Variants in NKAIN2 observed in about 807,000 individuals in gnomAD.
NKAIN2 encodes sodium/potassium-transporting ATPase subunit beta-1-interacting protein 2.
Under a neutral mutation model 32.6 loss-of-function variants are expected in NKAIN2, and 14 were observed. That is an observed-to-expected ratio of 0.43 (90% CI 0.28 to 0.67). The LOEUF (loss-of-function observed/expected upper bound fraction) is 0.67. NKAIN2 is among the 30% of genes least tolerant of loss of function. The pLI is 0.17. For missense variants in NKAIN2, 198 were observed against 258.3 expected, an observed-to-expected ratio of 0.77 and a Z score of 1.60; for synonymous variants, 80 against 87.2, an observed-to-expected ratio of 0.92 and a Z score of 0.46.
At chr6:124,192,741 GTTTTTTTTTTTTTTT>G (rs1205303294) in intron 1 of NKAIN2, among the ~76,000 whole-genome samples, 3 of 77,186 alleles carry the variant, frequency 3.9e-5, no homozygotes, top group Non-Finnish European at 7.5e-5. Context: ...AGTTCCATCC[GTTTTTTTTTTTTTTT>G]TTTTTTTTTT....
chr6:124,041,278 C>G (rs2114810067), intron 1 of NKAIN2, among the ~76,000 whole-genome samples: 2 of 152,140 alleles, frequency 1.3e-5, no homozygotes, highest in South Asian at 4.2e-4. Flanking sequence ...CGCACATCAT[C>G]TCATACAATT....
chr6:124,353,611 C>T (rs985682799), intron 2 of NKAIN2, among the ~76,000 whole-genome samples: 12 of 151,976 alleles, frequency 7.9e-5, no homozygotes, highest in African/African-American at 2.9e-4. Context: ...AAAAATTAGC[C>T]GGGCATAGTG....
intron 3 of NKAIN2, among the ~76,000 whole-genome samples, chr6:124,439,024 G>A (rs888012997): frequency 9.2e-5 from 14 of 152,038 alleles, no homozygotes; most frequent in Non-Finnish European, 1.9e-4. Flanking sequence ...CTATTCAAGT[G>A]GTTCCCAAAA....
intron 3 of NKAIN2, among the ~76,000 whole-genome samples, chr6:124,590,208 T>C (rs1423961831): frequency 6.6e-6 from 1 of 152,174 alleles, no homozygotes; most frequent in Non-Finnish European, 1.5e-5. Context: ...GGCCGTACTT[T>C]AGTGCTGAGG....
At chr6:124,657,718 A>C (rs1457415262) in intron 3 of NKAIN2, among the ~76,000 whole-genome samples, 3 of 151,838 alleles carry the variant, frequency 2.0e-5, no homozygotes, top group Non-Finnish European at 4.4e-5. Context: ...ATTAGCCACA[A>C]TATTATGTTA....
chr6:124,544,874 T>C (rs570424332), intron 3 of NKAIN2, among the ~76,000 whole-genome samples: 29 of 152,064 alleles, frequency 1.9e-4, no homozygotes, highest in Non-Finnish European at 3.4e-4. Flanking sequence ...CCCCGGAAAA[T>C]TTTTTTGGGG....
intron 1 of NKAIN2, among the ~76,000 whole-genome samples, chr6:123,996,070 T>C (rs1483673916): frequency 6.6e-6 from 1 of 152,116 alleles, no homozygotes; most frequent in African/African-American, 2.4e-5. Context: ...TAAAAGCTTG[T>C]ATCTTGACAA....
intron 3 of NKAIN2, among the ~76,000 whole-genome samples, chr6:124,479,277 T>C (rs1343080148): frequency 2.0e-5 from 3 of 152,160 alleles, no homozygotes; most frequent in African/African-American, 7.2e-5. Flanking sequence ...TAATCATGTA[T>C]CGATATTGGT....
chr6:124,707,302 C>A (rs570843004), intron 4 of NKAIN2, among the ~76,000 whole-genome samples: 1 of 152,148 alleles, frequency 6.6e-6, no homozygotes, highest in East Asian at 1.9e-4. Context: ...AATAAACATA[C>A]GTGTGCATGT....
At position 124,154,823 on chromosome 6, in the gene NKAIN2, T is replaced by C. The variant is rs143569221; in HGVS notation, c.55-128182T>C. Reference sequence around the variant, plus strand: ...TAATAATATTTGTCAGATAACAATATACAAAAACAAAAATATTCCAAGTAA... The same window carrying C: ...TAATAATATTTGTCAGATAACAATACACAAAAACAAAAATATTCCAAGTAA... On this transcript the variant is annotated intron_variant, in intron 1 of 6. Transcript: ENST00000368417. 3.0e-3 allele frequency among the ~76,000 whole-genome samples: 455 copies of C among 152,102 alleles called. 2 individuals carry two copies. The highest frequency in any genetic ancestry group is 4.8e-3 in the Non-Finnish European group (328 of 67,884).
chr6:123,902,281 A>G (rs1774630801), intron 1 of NKAIN2, among the ~76,000 whole-genome samples: 1 of 152,140 alleles, frequency 6.6e-6, no homozygotes, highest in Non-Finnish European at 1.5e-5. Context: ...TGATAGTGGA[A>G]ATGAGTGGCC....
intron 5 of NKAIN2, among the ~76,000 whole-genome samples, chr6:124,797,059 A>T (rs1031475413): frequency 6.6e-6 from 1 of 151,316 alleles, no homozygotes; most frequent in African/African-American, 2.4e-5. Flanking sequence ...TTGGATGTCC[A>T]CTCACAGTGA....
chr6:123,913,557 G>A (rs1049109230), intron 1 of NKAIN2, among the ~76,000 whole-genome samples: 1 of 152,098 alleles, frequency 6.6e-6, no homozygotes, highest in African/African-American at 2.4e-5. Flanking sequence ...GTATTGTGTA[G>A]GCAACTGCCC....
intron 4 of NKAIN2, among the ~76,000 whole-genome samples, chr6:124,663,047 G>A (rs573892106): frequency 1.3e-5 from 2 of 152,064 alleles, no homozygotes; most frequent in Non-Finnish European, 2.9e-5. Flanking sequence ...ACATTTATTT[G>A]AATTAAAAAA....
At chr6:124,533,815 T>C (rs1212094908) in intron 3 of NKAIN2, among the ~76,000 whole-genome samples, 1 of 152,094 alleles carries the variant, frequency 6.6e-6, no homozygotes, top group Non-Finnish European at 1.5e-5. Flanking sequence ...AAGTCCAACA[T>C]GAAAGTCCCC....
chr6:124,346,148 G>T (rs9372775), intron 2 of NKAIN2, among the ~76,000 whole-genome samples: 127,027 of 152,034 alleles, frequency 0.84, 53,177 homozygotes, highest in African/African-American at 0.87. Context: ...GCAGTTTTGA[G>T]TGAGTTTCTT....
In NKAIN2 at chr6:124,729,182, G is replaced by A. The variant is rs867217847; in HGVS notation, c.475-62157G>A. The stretch of plus-strand genomic sequence containing the variant: ...GAAACTATTCCAATCAATAGAAAAA[G>A]AGGAAATCCTCCCTAACTCATTTTA... On this transcript the variant is annotated intron_variant, in intron 4 of 6. Transcript: ENST00000368417. 2.0e-4 allele frequency among the ~76,000 whole-genome samples: 31 copies of A among 152,204 alleles called. No individual in the cohort carries two copies. The South Asian group carries it at 3.7e-3, about 18-fold the overall frequency.
intron 1 of NKAIN2, among the ~76,000 whole-genome samples, chr6:123,975,404 G>T (rs577381972): frequency 6.6e-6 from 1 of 152,258 alleles, no homozygotes; most frequent in South Asian, 2.1e-4. Context: ...TGCACAAGGA[G>T]AGGATTCTGA....
At chr6:124,039,776 A>G (rs1439668528) in intron 1 of NKAIN2, among the ~76,000 whole-genome samples, 1 of 151,974 alleles carries the variant, frequency 6.6e-6, no homozygotes, top group Non-Finnish European at 1.5e-5. Flanking sequence ...ACTTCCTACA[A>G]AAAGATAATT....
Sources: allele counts gnomAD v4.1 joint callset (sites outside exome capture counted in the v4.1 genomes callset), GRCh38; gene constraint gnomAD v4.1.1; transcripts MANE v1.5; gene names NCBI Gene and HGNC (gene_info 2026-07-23, HGNC 2026-07-21).